ZSCAN31: variants seen among roughly 807,000 people sequenced by gnomAD.
The protein encoded by ZSCAN31 is zinc finger and SCAN domain-containing protein 31.
ZSCAN31 carries 14 observed loss-of-function variants against 22.5 expected under a neutral mutation model. That is an observed-to-expected ratio of 0.62 (90% CI 0.41 to 0.97). The LOEUF is 0.97. Ranked by LOEUF, ZSCAN31 falls within the 50% of genes least tolerant of loss-of-function variation. The probability of loss-of-function intolerance (pLI) is 0.00; values close to 1 mark genes in which losing one functional copy is unlikely to be tolerated. For synonymous variants in ZSCAN31, 168 were observed against 169.8 expected, an observed-to-expected ratio of 0.99 and a Z score of 0.08; for missense variants, 424 against 483.4, an observed-to-expected ratio of 0.88 and a Z score of 1.15.
Position 28,351,012 on chromosome 6 carries a change from C to T in ZSCAN31, c.-371+2850G>A, listed in dbSNP as rs1764972099. On this transcript the variant is annotated intron_variant, in intron 2 of 7. Transcript: ENST00000396838. The surrounding 1 kb of genome is among the most constrained non-coding windows in gnomAD (Gnocchi z 4.6). The stretch of plus-strand genomic sequence containing the variant: ...GGAGATCCACCAGTTTTCGAGCTTC[C>T]AGGAACGCCCTAGCCTGAAACTGGC... Among the ~76,000 whole-genome samples the T allele has an allele frequency of 1.3e-5, 2 of 152,150 alleles. No homozygotes were observed. Among genetic ancestry groups the T allele is most frequent in the South Asian group, 2.1e-4 (1 of 4,832 alleles).
rs866115399 is a variant in ZSCAN31 at position 28,327,406 on chromosome 6, CA to C, written c.508del (p.Cys170AlafsTer26). The C allele has an allele frequency of 2.5e-6, 4 of 1,613,824 alleles. No homozygotes were observed. The highest frequency in any genetic ancestry group is 3.4e-6 in the Non-Finnish European group (4 of 1,179,996). ...MVTQLRYESF[C>X]LHQFQEQDGE... ...ACCTTGTTCTTGAAATTGGTGGAGG[CA>C]AAAAGATTCATATCTGAGCTGTGTC... On this transcript the variant is annotated frameshift_variant, in exon 3 of 4. Transcript: ENST00000344279. LOFTEE classifies it low-confidence loss of function (END_TRUNC).
In ZSCAN31 at chr6:28,326,521, T is replaced by C. The variant is rs765187769; in HGVS notation, c.866A>G (p.His289Arg). The C allele has an allele frequency of 6.2e-7, 1 of 1,614,256 alleles. No homozygotes were observed. Among genetic ancestry groups the C allele is most frequent in the South Asian group, 1.1e-5 (1 of 91,088 alleles). Residue 289 changes from histidine to arginine, a missense_variant, in exon 4 of 4, where the codon CAC becomes CGC. Coordinates refer to ENST00000344279, the MANE Select transcript of ZSCAN31 (RefSeq NM_030899.5). The part of the protein sequence containing the change: ...RSSLNEHRRS[H>R]TGEKPYQCKE... The stretch of plus-strand genomic sequence containing the variant: ...ACATTGATAGGGTTTCTCTCCAGTG[T>C]GGCTCCGCCGATGTTCATTCAGGCT...
chr6:28,329,413 G>A lies in ZSCAN31; in HGVS notation c.271C>T (p.Leu91=), dbSNP rs773471050. 53 of 1,614,096 alleles carry A rather than the reference G, an allele frequency of 3.3e-5. No homozygotes were observed. Among genetic ancestry groups the A allele is most frequent in the Non-Finnish European group, 4.5e-5 (53 of 1,180,042 alleles). ...LLVLEQFLTI[L]PEELQAWVRE... Reference sequence around the variant, plus strand: ...ACCCAGGCCTGGAGCTCCTCAGGCAGGATAGTCAGGAATTGCTCCAGCACC... The same window carrying A: ...ACCCAGGCCTGGAGCTCCTCAGGCAAGATAGTCAGGAATTGCTCCAGCACC... Residue 91 remains leucine (L), a synonymous_variant, in exon 2 of 4, where the codon CTG becomes TTG. Transcript: ENST00000344279.
chr6:28,326,438 G>A lies in ZSCAN31; in HGVS notation c.949C>T (p.His317Tyr). 1 of 1,614,060 alleles carries A rather than the reference G, an allele frequency of 6.2e-7. No homozygotes were observed. The change falls in exon 4 of 4, where the codon CAC becomes TAC. Residue 317 changes from histidine (H) to tyrosine (Y), a missense_variant. By Grantham distance (83) the His-to-Tyr change is moderately conservative. Transcript: ENST00000344279. ...SNGLTRHRRI[H>Y]TGEKPYECKV... ...CATTCATATGGTTTTTCCCCTGTGTGGATTCTTCTGTGTCGAGTGAGGCCA... is the reference window on the plus strand; with the variant it reads ...CATTCATATGGTTTTTCCCCTGTGTAGATTCTTCTGTGTCGAGTGAGGCCA...
intron 1 of ZSCAN31, chr6:28,354,013 G>C (rs1047982915): frequency 4.4e-6 from 2 of 451,490 alleles, no homozygotes; most frequent in Admixed American, 2.4e-5. Context: ...CACACTGTCT[G>C]CCTCTGTCTC....
chr6:28,353,301 A>G (rs1219021237), intron 2 of ZSCAN31: 2 of 153,898 alleles, frequency 1.3e-5, no homozygotes, highest in Non-Finnish European at 2.9e-5. Flanking sequence ...CATTCCACTG[A>G]GTAAAGAGGG....
chr6:28,332,753 T>A (rs1763858086), intron 1 of ZSCAN31, among the ~76,000 whole-genome samples: 1 of 152,232 alleles, frequency 6.6e-6, no homozygotes, highest in Admixed American at 6.5e-5. Flanking sequence ...CAGGACAGAC[T>A]GTGACCAGTG....
Position 28,326,803 on chromosome 6 carries a change from A to G in ZSCAN31, c.584T>C (p.Leu195Ser), listed in dbSNP as rs779519826. 2 of 1,613,128 alleles carry G rather than the reference A, an allele frequency of 1.2e-6. No homozygotes were observed. The highest frequency in any genetic ancestry group is 1.7e-5 in the Admixed American group (1 of 59,988). The change falls in exon 4 of 4, where the codon TTA becomes TCA. Residue 195 changes from leucine to serine, a missense_variant. Coordinates refer to ENST00000344279, the MANE Select transcript of ZSCAN31 (RefSeq NM_030899.5). ...NQELASKQEI[L>S]KEMEHLGDSK... ...ATCCCCCAAATGTTCCATTTCTTTTAAGATTTCTTGCTTTGATGCCAACTC... is the reference window on the plus strand; with the variant it reads ...ATCCCCCAAATGTTCCATTTCTTTTGAGATTTCTTGCTTTGATGCCAACTC...
At chr6:28,337,765 A>G (rs978914992), upstream of ZSCAN31, 2 of 152,206 alleles carry the variant, frequency 1.3e-5, no homozygotes, top group South Asian at 2.1e-4. Context: ...CATAGATATG[A>G]AAATGGAGAC....
chr6:28,327,889 C>A (rs1373830089), intron 2 of ZSCAN31, among the ~76,000 whole-genome samples: 1 of 152,012 alleles, frequency 6.6e-6, no homozygotes, highest in Non-Finnish European at 1.5e-5. Context: ...CATGTAGGTT[C>A]TTTTCTATTT....
chr6:28,355,315 A>T (rs1026259086), upstream of ZSCAN31: 2 of 152,176 alleles, frequency 1.3e-5, no homozygotes, highest in African/African-American at 4.8e-5. Flanking sequence ...ACCCATGAGC[A>T]TACCCACCCT....
In ZSCAN31 at chr6:28,329,441, C is replaced by T. The variant is rs750411858; in HGVS notation, c.243G>A (p.Leu81=). 6.2e-7 allele frequency: 1 copy of T among 1,614,230 alleles called. No individual in the cohort carries two copies. Among genetic ancestry groups the T allele is most frequent in the South Asian group, 1.1e-5 (1 of 91,086 alleles). The change falls in exon 2 of 4, where the codon CTG becomes CTA. Residue 81 remains leucine, a synonymous_variant. Transcript: ENST00000344279. The stretch of plus-strand genomic sequence containing the variant: ...TAGTCAGGAATTGCTCCAGCACCAG[C>T]AGCTCCAAGATTTGCTCTTTGGTGT... ...EIHTKEQILE[L]LVLEQFLTIL...
upstream of ZSCAN31, chr6:28,336,984 A>G (rs1308023430): frequency 6.6e-6 from 1 of 152,212 alleles, no homozygotes; most frequent in Non-Finnish European, 1.5e-5. Flanking sequence ...CGTAAAACAG[A>G]CGTGCATGTG....
At chr6:28,332,439 A>C (rs1763824174) in intron 1 of ZSCAN31, 2 of 152,220 alleles carry the variant, frequency 1.3e-5, no homozygotes, top group South Asian at 4.1e-4. Context: ...TCTTTACTGA[A>C]GCACTGCAGT....
chr6:28,329,164 T>G, intron 2 of ZSCAN31, 139 bp downstream of exon 2: 1 of 1,042,368 alleles, frequency 9.6e-7, no homozygotes, highest in Non-Finnish European at 1.4e-6. Flanking sequence ...ATGACCATAG[T>G]CTTGGCCATT....
upstream of ZSCAN31, among the ~76,000 whole-genome samples, chr6:28,340,724 A>G (rs957198509): frequency 1.3e-5 from 2 of 152,196 alleles, no homozygotes; most frequent in Non-Finnish European, 2.9e-5. Flanking sequence ...GCTTAAAATG[A>G]TATTATTTTT....
chr6:28,331,717 A>T lies in ZSCAN31; in HGVS notation c.-95-1939T>A, dbSNP rs1763756678. Among the ~76,000 whole-genome samples, 1 of 152,230 alleles carries T rather than the reference A, an allele frequency of 6.6e-6. No individual in the cohort carries two copies. Among genetic ancestry groups the T allele is most frequent in the Admixed American group, 6.5e-5 (1 of 15,286 alleles). On this transcript the variant is annotated intron_variant, in intron 1 of 3. Transcript: ENST00000344279. The surrounding 1 kb of genome is among the most constrained non-coding windows in gnomAD (Gnocchi z 4.8). ...GTATTGGATTCCATTATTATTAAAC[A>T]TGTAGCTTCTCATGGCCTTAGGTTT...
chr6:28,329,386 G>A lies in ZSCAN31; in HGVS notation c.298C>T (p.Arg100Trp), dbSNP rs768839187. Reference sequence around the variant, plus strand: ...TCCCCACTCTCCGGATGGTGCTCCCGCACCCAGGCCTGGAGCTCCTCAGGC... The same window carrying A: ...TCCCCACTCTCCGGATGGTGCTCCCACACCCAGGCCTGGAGCTCCTCAGGC... ...ILPEELQAWV[R>W]EHHPESGEEA... Residue 100 changes from arginine to tryptophan, a missense_variant, in exon 2 of 4, where the codon CGG (arginine) becomes TGG (tryptophan). Physicochemically the swap from Arg to Trp is moderately radical, Grantham distance 101. Coordinates refer to ENST00000344279, the MANE Select transcript of ZSCAN31 (RefSeq NM_030899.5). The A allele has an allele frequency of 4.6e-5, 74 of 1,614,012 alleles. No individual in the cohort carries two copies. The highest frequency in any genetic ancestry group is 1.2e-4 in the Admixed American group (7 of 59,994).
rs1160468157 is a variant in ZSCAN31 at position 28,327,452 on chromosome 6, T to G, written c.463A>C (p.Ile155Leu). Residue 155 changes from isoleucine to leucine, a missense_variant, in exon 3 of 4, where the codon ATA becomes CTA. Physicochemically the swap from Ile to Leu is conservative, Grantham distance 5. Coordinates refer to ENST00000344279, the MANE Select transcript of ZSCAN31 (RefSeq NM_030899.5). ...HLKVKQEPTD[I>L]QLQPMVTQLR... ...TGTGTCACCATAGGCTGAAGCTGTA[T>G]GTCTGTTGGTTCCTGCTTGACCTTC... The G allele has an allele frequency of 1.9e-6, 3 of 1,614,074 alleles. No individual in the cohort carries two copies. The highest frequency in any genetic ancestry group is 2.5e-6 in the Non-Finnish European group (3 of 1,180,026).
Sources: allele counts gnomAD v4.1 joint callset (sites outside exome capture counted in the v4.1 genomes callset), GRCh38; gene constraint gnomAD v4.1.1; non-coding constraint Gnocchi (gnomAD v3.1); transcripts MANE v1.5; gene names NCBI Gene and HGNC (gene_info 2026-07-23, HGNC 2026-07-21).